The following NRG1 variants were observed in gnomAD, a reference collection of about 807,000 sequenced individuals.
NRG1 encodes the protein pro-neuregulin-1, membrane-bound isoform.
A neutral mutation model predicts 63.8 loss-of-function variants in NRG1; 18 were observed. That is an observed-to-expected ratio of 0.28 (90% confidence interval 0.19 to 0.42). The LOEUF (loss-of-function observed/expected upper bound fraction) is 0.42, where lower values mean the gene tolerates loss of function less well. Ranked by LOEUF, NRG1 falls within the 10% of genes least tolerant of loss-of-function variation. The probability of loss-of-function intolerance (pLI) is 1.00; values close to 1 mark genes in which losing one functional copy is unlikely to be tolerated. For synonymous variants in NRG1, 302 were observed against 301.3 expected, an observed-to-expected ratio of 1.00 and a Z score of -0.02; for missense variants, 762 against 814.7, an observed-to-expected ratio of 0.94 and a Z score of 0.79.
At chr8:32,416,883 T>C (rs1815994487) in intron 1 of NRG1, among the ~76,000 whole-genome samples, 1 of 151,978 alleles carries the variant, frequency 6.6e-6, no homozygotes. Flanking sequence ...ACAGGGTTTT[T>C]CCATGTTGCC....
chr8:32,525,011 A>G (rs1331122354), intron 1 of NRG1, among the ~76,000 whole-genome samples: 4 of 152,208 alleles, frequency 2.6e-5, no homozygotes. Flanking sequence ...GCAATCCAAT[A>G]TTTGCCCTCC....
intron 1 of NRG1, among the ~76,000 whole-genome samples, chr8:31,985,658 T>A (rs910694365): frequency 2.0e-5 from 3 of 152,136 alleles, no homozygotes; most frequent in Non-Finnish European, 4.4e-5. Context: ...AAAAATATAA[T>A]GACATTTAAC....
chr8:32,431,213 C>T (rs747390788), intron 1 of NRG1, among the ~76,000 whole-genome samples: 5 of 152,050 alleles, frequency 3.3e-5, no homozygotes, highest in Non-Finnish European at 5.9e-5. Context: ...AAGCTCTTAC[C>T]GATTTTATTT....
chr8:32,765,634 A>T (rs1831367924), exon 12 of NRG1: 1 of 152,128 alleles, frequency 6.6e-6, no homozygotes, highest in East Asian at 1.9e-4. Context: ...ATTTTTTATC[A>T]GGAATGGCCG....
chr8:31,977,882 G>T (rs1479815992), intron 1 of NRG1, among the ~76,000 whole-genome samples: 1 of 152,010 alleles, frequency 6.6e-6, no homozygotes, highest in African/African-American at 2.4e-5. Flanking sequence ...TCATTTGGAA[G>T]GGTAACAAAT....
intron 5 of NRG1, among the ~76,000 whole-genome samples, chr8:32,669,035 T>C (rs1383618413): frequency 6.6e-6 from 1 of 152,228 alleles, no homozygotes; most frequent in Non-Finnish European, 1.5e-5. Context: ...TTAGTGCTGA[T>C]GTGTACAGAA....
intron 5 of NRG1, among the ~76,000 whole-genome samples, chr8:32,715,075 G>C (rs1368664156): frequency 2.0e-5 from 3 of 152,014 alleles, no homozygotes; most frequent in African/African-American, 7.2e-5. Flanking sequence ...CTGGACCTCA[G>C]TTTCCCAAGT....
chr8:31,653,007 C>T (rs1477656719), intron 1 of NRG1, among the ~76,000 whole-genome samples: 1 of 87,202 alleles, frequency 1.1e-5, no homozygotes, highest in Non-Finnish European at 2.4e-5. Context: ...CTCCTCTCCT[C>T]CCCTCCCCTC....
At chr8:31,777,251 A>G (rs1450438953) in intron 1 of NRG1, among the ~76,000 whole-genome samples, 1 of 152,248 alleles carries the variant, frequency 6.6e-6, no homozygotes, top group Non-Finnish European at 1.5e-5. Flanking sequence ...AATAATGCAA[A>G]CACTTCTGTA....
In NRG1 at chr8:32,251,380, C is replaced by A. The variant is rs1259331915; in HGVS notation, c.38-344448C>A. Among the ~76,000 whole-genome samples the A allele has an allele frequency of 4.0e-5, 4 of 100,962 alleles. No homozygotes were observed. In the East Asian group the frequency reaches 9.4e-4, roughly 24 times the overall value. 66.2% of individuals were successfully genotyped at this position (100,962 alleles called of 152,430 possible). A position where few individuals can be genotyped will look rare whatever the true frequency, so the allele number is the denominator to read the frequency against. On this transcript the variant is annotated intron_variant, in intron 1 of 10. Transcript: ENST00000519301. ...GCTTCATCCATGTCCCTGCAAAGGA[C>A]ACAAACTCAACCTTTTTTATGGTTG...
At chr8:31,760,236 AGGAAGG>A (rs1350451622) in intron 1 of NRG1, among the ~76,000 whole-genome samples, 5 of 152,168 alleles carry the variant, frequency 3.3e-5, no homozygotes, top group Non-Finnish European at 7.4e-5. Flanking sequence ...ATAAGGTGTA[AGGAAGG>A]GATCCAGTTT....
intron 1 of NRG1, among the ~76,000 whole-genome samples, chr8:32,141,381 T>C (rs1313350729): frequency 1.3e-5 from 2 of 151,878 alleles, no homozygotes; most frequent in African/African-American, 4.8e-5. Context: ...GTATTCCTAA[T>C]AAAGAACTGC....
intron 1 of NRG1, among the ~76,000 whole-genome samples, chr8:32,038,260 G>A (rs941353583): frequency 4.6e-5 from 7 of 152,180 alleles, no homozygotes; most frequent in African/African-American, 1.7e-4. Context: ...CAGGCTCCGG[G>A]TGGGCCCTCG....
At chr8:31,733,130 A>G (rs1814274407) in intron 1 of NRG1, among the ~76,000 whole-genome samples, 1 of 148,376 alleles carries the variant, frequency 6.7e-6, no homozygotes, top group African/African-American at 2.5e-5. Context: ...GTTGCTGCAA[A>G]AGACATGACT....
chr8:32,683,900 A>G (rs1174396074), intron 5 of NRG1, among the ~76,000 whole-genome samples: 8 of 152,068 alleles, frequency 5.3e-5, no homozygotes, highest in South Asian at 2.1e-4. Flanking sequence ...AAAAAAAAAA[A>G]AAAAGAAAAT....
intron 1 of NRG1, among the ~76,000 whole-genome samples, chr8:31,817,860 G>T (rs1023351372): frequency 5.3e-5 from 8 of 152,182 alleles, no homozygotes; most frequent in African/African-American, 1.4e-4. Context: ...GAGAACTTTT[G>T]AATTATACCT....
chr8:32,090,501 A>G (rs1265428825), intron 1 of NRG1, among the ~76,000 whole-genome samples: 3 of 151,976 alleles, frequency 2.0e-5, no homozygotes. Flanking sequence ...TTGTATTTTT[A>G]GTAGAGATGG....
At chr8:31,906,267 A>G (rs1187654095) in intron 1 of NRG1, among the ~76,000 whole-genome samples, 1 of 152,172 alleles carries the variant, frequency 6.6e-6, no homozygotes, top group South Asian at 2.1e-4. Flanking sequence ...CCATGTGGCT[A>G]TTTACGACAT....
intron 1 of NRG1, among the ~76,000 whole-genome samples, chr8:31,943,047 T>C (rs1355154568): frequency 6.6e-6 from 1 of 152,092 alleles, no homozygotes; most frequent in Non-Finnish European, 1.5e-5. Context: ...GAAGTCATTA[T>C]ACAAAAAAGA....
Sources: gnomAD v4.1 joint callset for allele counts (sites outside exome capture counted in the v4.1 genomes callset) on GRCh38, gnomAD v4.1.1 for gene constraint, MANE v1.5 for transcripts, NCBI Gene and HGNC (gene_info 2026-07-23, HGNC 2026-07-21) for gene names.